CCDC144A: variants seen among roughly 807,000 people sequenced by gnomAD.
CCDC144A encodes the protein coiled-coil domain-containing protein 144A.
CCDC144A carries 41 observed loss-of-function variants against 143.8 expected under a neutral mutation model. That is an observed-to-expected ratio of 0.29 (90% CI 0.22 to 0.37). The LOEUF is 0.37. Ranked by LOEUF, CCDC144A falls within the 10% of genes least tolerant of loss-of-function variation. The pLI, the probability that CCDC144A is intolerant of heterozygous loss-of-function variation, is 1.00. For synonymous variants in CCDC144A, 242 were observed against 517.9 expected (o/e 0.47, Z 7.23); for missense variants, 637 against 1,488.8 (o/e 0.43, Z 9.41).
chr17:16,707,755 T>C (rs1478129569), intron 4 of CCDC144A, among the ~76,000 whole-genome samples: 1 of 152,176 alleles, frequency 6.6e-6, no homozygotes, highest in Non-Finnish European at 1.5e-5. Context: ...ATCTTTACCC[T>C]TGGAGTAGAG....
At chr17:16,704,511 G>A (rs2143094194) in intron 2 of CCDC144A, among the ~76,000 whole-genome samples, 1 of 151,788 alleles carries the variant, frequency 6.6e-6, no homozygotes, top group Admixed American at 6.6e-5. Context: ...TAGTAAAAAG[G>A]AAAATATTTT....
chr17:16,739,645 C>A (rs1914171661), intron 12 of CCDC144A, among the ~76,000 whole-genome samples: 1 of 150,604 alleles, frequency 6.6e-6, no homozygotes, highest in African/African-American at 2.5e-5. Flanking sequence ...TTTCCCAGAA[C>A]CATTTGTTGA....
intron 12 of CCDC144A, among the ~76,000 whole-genome samples, chr17:16,753,428 G>GTTTTTTTTTTTTTTTTT: frequency 1.0e-4 from 6 of 57,374 alleles, no homozygotes; most frequent in Admixed American, 2.0e-4. Context: ...GTGTTTTGTA[G>GTTTTTTTTTTTTTTTTT]TTTTTTTTTT....
rs535263465 is a variant in CCDC144A, at chr17:16,752,205, G to C, written c.3373-9220G>C. ...TCAGTAGCGGCATTAGATTCTCATA[G>C]GAGCGCGAGCCGTGTTGTGAACTGT... On this transcript the variant is annotated intron_variant, in intron 12 of 16. Coordinates refer to ENST00000399273, the MANE Select transcript of CCDC144A (RefSeq NM_001382000.1). 2.2e-3 allele frequency among the ~76,000 whole-genome samples: 329 copies of C among 152,322 alleles called. 3 individuals carry two copies. The highest frequency in any genetic ancestry group is 7.5e-3 in the African/African-American group (310 of 41,576).
At chr17:16,746,226 ACTT>A in intron 12 of CCDC144A, 1 of 1,337,390 alleles carries the variant, frequency 7.5e-7, no homozygotes. Context: ...CTTAATCCTT[ACTT>A]CTTTCTCTGC....
chr17:16,746,702 C>G (rs1186987031), intron 12 of CCDC144A: 3 of 1,611,840 alleles, frequency 1.9e-6, no homozygotes, highest in African/African-American at 2.7e-5. Context: ...TGGCAGCGGG[C>G]GCAGCTGCTC....
At chr17:16,747,432 G>T (rs1914587262) in intron 12 of CCDC144A, among the ~76,000 whole-genome samples, 1 of 152,230 alleles carries the variant, frequency 6.6e-6, no homozygotes, top group Non-Finnish European at 1.5e-5. Context: ...TTTTAGAATA[G>T]TTTTTTCTAA....
At chr17:16,729,991 T>TATATATATATATATATATATATACACAC (rs1491438660) in intron 9 of CCDC144A, among the ~76,000 whole-genome samples, 1 of 114,892 alleles carries the variant, frequency 8.7e-6, no homozygotes, top group African/African-American at 3.3e-5. Flanking sequence ...TATATATATA[T>TATATATATATATATATATATATACACAC]ACACACATAC....
the CCDC144A span, among the ~76,000 whole-genome samples, chr17:16,672,711 C>T: frequency 6.6e-6 from 1 of 152,046 alleles, no homozygotes; most frequent in East Asian, 1.9e-4. Context: ...CAGTGAAAAG[C>T]ACTGTGTGTA....
At chr17:16,687,940 G>T (rs190469190), upstream of CCDC144A, among the ~76,000 whole-genome samples, 1 of 150,966 alleles carries the variant, frequency 6.6e-6, no homozygotes, top group Admixed American at 6.6e-5. Context: ...GAGTGTAGTT[G>T]ATACATCTGT....
At chr17:16,678,585 C>CT in the CCDC144A span, among the ~76,000 whole-genome samples, 1,317 of 136,840 alleles carry the variant, frequency 9.6e-3, 15 homozygotes, top group African/African-American at 0.026. Flanking sequence ...TTTTTCTTTT[C>CT]TTTTTTTTTT....
At chr17:16,727,809 A>G in intron 9 of CCDC144A, 69 bp downstream of exon 9, 11 of 1,496,336 alleles carry the variant, frequency 7.4e-6, no homozygotes, top group Non-Finnish European at 9.1e-6. Flanking sequence ...GTAACTGCTG[A>G]CTTACCTTCT....
chr17:16,703,389 C>T (rs1911841098), intron 2 of CCDC144A, among the ~76,000 whole-genome samples: 1 of 151,896 alleles, frequency 6.6e-6, no homozygotes, highest in Admixed American at 6.5e-5. Flanking sequence ...AAAGTCTCTT[C>T]ATAATGATAA....
chr17:16,677,574 G>A, the CCDC144A span, among the ~76,000 whole-genome samples: 1 of 152,078 alleles, frequency 6.6e-6, no homozygotes, highest in South Asian at 2.1e-4. Context: ...GCTCAGGCCT[G>A]TAATCTCAGC....
At position 16,690,556 on chromosome 17, in the gene CCDC144A, CTGGT is replaced by C. The variant is rs770864634; in HGVS notation, c.157_160del (p.Trp53GlyfsTer16). The C allele has an allele frequency of 6.2e-7, 1 of 1,613,726 alleles. No homozygotes were observed. The highest frequency in any genetic ancestry group is 1.3e-5 in the African/African-American group (1 of 74,916). On this transcript the variant is annotated frameshift_variant, in exon 1 of 17. Coordinates refer to ENST00000399273, the MANE Select transcript of CCDC144A (RefSeq NM_001382000.1). LOFTEE classifies it high-confidence loss of function. ...AGTGGTCCTCGGGCTTCCCCTACAG[CTGGT>C]GGAAAAACAGCGTCGGCAGCGAGAG...
the CCDC144A span, among the ~76,000 whole-genome samples, chr17:16,680,043 G>T: frequency 2.0e-5 from 3 of 151,828 alleles, no homozygotes; most frequent in African/African-American, 7.3e-5. Context: ...TAAAAATACA[G>T]GCTCTGGGTT....
rs1296029657 is a variant in CCDC144A at position 16,774,784 on chromosome 17, G to T, written c.*1151G>T. On this transcript the variant is annotated 3_prime_UTR_variant, in exon 17 of 17. Transcript: ENST00000399273. ...TAAATATGTGCCATGGTGGTTTGCT[G>T]CACAGATCATCCCATCACCTAGGTA... The T allele has an allele frequency of 6.7e-6, 1 of 148,722 alleles. No homozygotes were observed. The highest frequency in any genetic ancestry group is 1.5e-5 in the Non-Finnish European group (1 of 67,926). The allele number at this position is 148,722 out of a possible 1,614,324, so 9.2% of individuals were successfully genotyped here.
At chr17:16,681,752 G>A in the CCDC144A span, among the ~76,000 whole-genome samples, 5 of 151,870 alleles carry the variant, frequency 3.3e-5, no homozygotes, top group South Asian at 2.1e-4. Context: ...CCAGCCACTC[G>A]GGAGGCTGAG....
At chr17:16,707,849 T>C (rs1175155467) in intron 4 of CCDC144A, among the ~76,000 whole-genome samples, 5 of 152,240 alleles carry the variant, frequency 3.3e-5, no homozygotes, top group Non-Finnish European at 2.9e-5. Flanking sequence ...TATTGACATA[T>C]TATTAAGCAG....
Sources: gnomAD v4.1 joint callset for allele counts (sites outside exome capture counted in the v4.1 genomes callset) on GRCh38, gnomAD v4.1.1 for gene constraint, MANE v1.5 for transcripts, NCBI Gene and HGNC (gene_info 2026-07-23, HGNC 2026-07-21) for gene names.